Variants in NBAS observed in about 807,000 individuals in gnomAD.
The protein encoded by NBAS is NAG/BC035112 fusion.
Under a neutral mutation model 302.5 loss-of-function variants are expected in NBAS, and 219 were observed. That is an observed-to-expected ratio of 0.72 (90% CI 0.65 to 0.81). The LOEUF is 0.81. Among genes scored for constraint, NBAS ranks in the 30% least tolerant of loss-of-function variants. The pLI is 0.00. For missense variants in NBAS, 2,932 were observed against 2,841.6 expected (o/e 1.03, Z -0.72); for synonymous variants, 1,118 against 1,021.6 (o/e 1.09, Z -1.80).
chr2:14,856,826 T>C, the NBAS span, among the ~76,000 whole-genome samples: 1 of 151,544 alleles, frequency 6.6e-6, no homozygotes, highest in South Asian at 2.1e-4. Context: ...ACGGGGCAAA[T>C]ATGAGTTATT....
the NBAS span, among the ~76,000 whole-genome samples, chr2:15,055,327 CAG>C: frequency 2.6e-5 from 4 of 152,170 alleles, no homozygotes; most frequent in African/African-American, 9.7e-5. Flanking sequence ...AGTGACCTCC[CAG>C]AGAGAGTACT....
intron 49 of NBAS, 39 bp downstream of exon 49, chr2:15,190,225 A>G (rs1339330251): frequency 1.9e-6 from 3 of 1,611,288 alleles, no homozygotes; most frequent in Non-Finnish European, 2.5e-6. Context: ...AGTCCAAACA[A>G]AAGAACTCTA....
intron 47 of NBAS, 56 bp downstream of exon 47, chr2:15,232,366 T>C (rs1667416064): frequency 3.3e-6 from 5 of 1,524,294 alleles, no homozygotes; most frequent in Non-Finnish European, 4.5e-6. Context: ...TAAGAGCAAT[T>C]CTAATACTCT....
At chr2:15,423,443 G>T (rs1677305565) in intron 23 of NBAS, among the ~76,000 whole-genome samples, 1 of 152,010 alleles carries the variant, frequency 6.6e-6, no homozygotes, top group African/African-American at 2.4e-5. Flanking sequence ...AAGCACATGG[G>T]TCATGCTAGA....
intron 9 of NBAS, among the ~76,000 whole-genome samples, chr2:15,532,350 T>A (rs2111452): frequency 2.6e-5 from 4 of 151,424 alleles, no homozygotes; most frequent in Admixed American, 6.6e-5. Flanking sequence ...TTAGCCGGGC[T>A]TGGTGGCAGG....
intron 40 of NBAS, among the ~76,000 whole-genome samples, chr2:15,295,931 CAA>C (rs200407387): frequency 5.3e-5 from 7 of 132,542 alleles, no homozygotes; most frequent in Non-Finnish European, 6.5e-5. Context: ...TATGAGGTAC[CAA>C]AAAAAAAAAA....
chr2:14,849,040 C>T, the NBAS span, among the ~76,000 whole-genome samples: 1 of 151,224 alleles, frequency 6.6e-6, no homozygotes, highest in African/African-American at 2.5e-5. Context: ...CAAAGGAACG[C>T]AGTTCCTCAC....
chr2:14,832,605 T>G, the NBAS span, among the ~76,000 whole-genome samples: 3 of 152,318 alleles, frequency 2.0e-5, no homozygotes, highest in Admixed American at 6.5e-5. Flanking sequence ...TGGGATACTC[T>G]ACCAGAGGGA....
intron 28 of NBAS, among the ~76,000 whole-genome samples, chr2:15,386,681 G>C (rs1430827731): frequency 6.6e-6 from 1 of 152,114 alleles, no homozygotes; most frequent in African/African-American, 2.4e-5. Flanking sequence ...GCACCTCCAA[G>C]TCATAGTTAC....
intron 9 of NBAS, among the ~76,000 whole-genome samples, chr2:15,529,615 G>C (rs1663120840): frequency 1.3e-5 from 2 of 152,102 alleles, no homozygotes; most frequent in Admixed American, 6.5e-5. Flanking sequence ...TAAACAAGAG[G>C]TCACCCTCAA....
At chr2:15,131,222 C>T in the NBAS span, among the ~76,000 whole-genome samples, 1 of 152,184 alleles carries the variant, frequency 6.6e-6, no homozygotes, top group African/African-American at 2.4e-5. Context: ...GAGTGGCTTT[C>T]AAAGACCTTT....
At chr2:15,208,626 T>C (rs908205906) in intron 48 of NBAS, among the ~76,000 whole-genome samples, 1 of 152,064 alleles carries the variant, frequency 6.6e-6, no homozygotes, top group African/African-American at 2.4e-5. Flanking sequence ...ACATGGATCA[T>C]TCTCAAGGAC....
At chr2:15,151,216 T>C in the NBAS span, among the ~76,000 whole-genome samples, 1 of 152,216 alleles carries the variant, frequency 6.6e-6, no homozygotes, top group Non-Finnish European at 1.5e-5. Context: ...GGCAACCCCA[T>C]GTCTCAATAA....
intron 21 of NBAS, among the ~76,000 whole-genome samples, chr2:15,442,829 C>T (rs1325942216): frequency 9.3e-5 from 14 of 151,322 alleles, no homozygotes; most frequent in East Asian, 1.9e-4. Context: ...ATATCACCAC[C>T]GATCCCACAG....
chr2:15,116,836 G>A, the NBAS span, among the ~76,000 whole-genome samples: 3 of 152,006 alleles, frequency 2.0e-5, no homozygotes, highest in East Asian at 3.9e-4. Flanking sequence ...CCTCATTTTA[G>A]GAACCTCTTA....
At chr2:15,098,457 ATTATATATTGTATATAATATG>A in the NBAS span, among the ~76,000 whole-genome samples, 166 of 93,948 alleles carry the variant, frequency 1.8e-3, 7 homozygotes, top group African/African-American at 8.2e-3. Context: ...TATATTATAT[ATTATATATTGTATATAATATG>A]TTATATATTG....
chr2:15,232,606 T>C, intron 46 of NBAS, 95 bp from the exon 47 acceptor site: 2 of 1,136,948 alleles, frequency 1.8e-6, no homozygotes, highest in South Asian at 1.3e-5. Context: ...TGGCTGGATT[T>C]TGGCACAGTA....
At chr2:15,042,460 T>C in the NBAS span, among the ~76,000 whole-genome samples, 1 of 152,064 alleles carries the variant, frequency 6.6e-6, no homozygotes, top group Non-Finnish European at 1.5e-5. Context: ...ATAAGTGAAA[T>C]GAACAACAAT....
intron 21 of NBAS, among the ~76,000 whole-genome samples, chr2:15,430,561 C>T (rs1448079595): frequency 6.6e-6 from 1 of 152,124 alleles, no homozygotes; most frequent in Admixed American, 6.5e-5. Flanking sequence ...TATTATCTTC[C>T]TCATATTACA....
Sources: allele counts gnomAD v4.1 joint callset (sites outside exome capture counted in the v4.1 genomes callset), GRCh38; gene constraint gnomAD v4.1.1; transcripts MANE v1.5; gene names NCBI Gene and HGNC (gene_info 2026-07-23, HGNC 2026-07-21).